MAGI3: variants seen among roughly 807,000 people sequenced by gnomAD.
The protein encoded by MAGI3 is membrane-associated guanylate kinase, WW and PDZ domain-containing protein 3.
In MAGI3, 43 loss-of-function variants were observed where a neutral mutation model predicts 121.8. The ratio of observed to expected loss-of-function variants is 0.35; its 90% CI spans 0.28 to 0.46. The LOEUF is 0.46. Among genes scored for constraint, MAGI3 ranks in the 20% least tolerant of loss-of-function variants. MAGI3 has a pLI of 1.00. For missense variants in MAGI3, 1,547 were observed against 1,797.3 expected (o/e 0.86, Z 2.52); for synonymous variants, 553 against 639.3 (o/e 0.86, Z 2.04).
chr1:113,465,189 GATAGTGGT>G (rs2101526766), intron 1 of MAGI3, among the ~76,000 whole-genome samples: 1 of 152,280 alleles, frequency 6.6e-6, no homozygotes, highest in East Asian at 1.9e-4. Flanking sequence ...TTTGGTGAGA[GATAGTGGT>G]ATAGTTTCAT....
chr1:113,656,842 G>A (rs182099806), intron 15 of MAGI3, among the ~76,000 whole-genome samples: 7 of 152,282 alleles, frequency 4.6e-5, no homozygotes, highest in Non-Finnish European at 8.8e-5. Context: ...CTTTTTCAAA[G>A]ATCAGGGATC....
chr1:113,659,414 T>C (rs1384837073), intron 16 of MAGI3, 149 bp downstream of exon 16: 1 of 693,108 alleles, frequency 1.4e-6, no homozygotes. Flanking sequence ...CTTTTCAATT[T>C]AATGAACTTA....
At chr1:113,423,685 A>G (rs770644724) in intron 1 of MAGI3, among the ~76,000 whole-genome samples, 2 of 152,110 alleles carry the variant, frequency 1.3e-5, no homozygotes. Context: ...GGCATCAAGG[A>G]AGTTCTCACT....
intron 16 of MAGI3, among the ~76,000 whole-genome samples, chr1:113,666,965 T>C (rs535247109): frequency 6.6e-6 from 1 of 152,352 alleles, no homozygotes; most frequent in Non-Finnish European, 1.5e-5. Context: ...GGAATCTTTT[T>C]TTCTGAGCAG....
chr1:113,534,674 A>G (rs185156854), intron 1 of MAGI3, among the ~76,000 whole-genome samples: 11 of 152,342 alleles, frequency 7.2e-5, no homozygotes, highest in African/African-American at 2.6e-4. Flanking sequence ...CACCAAAGAC[A>G]GGTATTACTT....
chr1:113,638,281 G>A (rs568182658), intron 9 of MAGI3, among the ~76,000 whole-genome samples: 23 of 152,338 alleles, frequency 1.5e-4, no homozygotes, highest in East Asian at 3.9e-4. Flanking sequence ...GAGGAACTGC[G>A]TTCCTTTGGA....
chr1:113,603,957 A>G (rs953725769), intron 6 of MAGI3, among the ~76,000 whole-genome samples: 1 of 152,186 alleles, frequency 6.6e-6, no homozygotes, highest in African/African-American at 2.4e-5. Flanking sequence ...ACCTTATTCC[A>G]GCCAGAGTAA....
At chr1:113,396,287 T>TGTGTGTG (rs1651113629) in intron 1 of MAGI3, among the ~76,000 whole-genome samples, 1 of 146,878 alleles carries the variant, frequency 6.8e-6, no homozygotes, top group Admixed American at 6.8e-5. Flanking sequence ...AATGTCAGGG[T>TGTGTGTG]TGTGTGTGTG....
At chr1:113,623,541 G>A (rs185094971) in intron 9 of MAGI3, among the ~76,000 whole-genome samples, 151 of 150,014 alleles carry the variant, frequency 1.0e-3, no homozygotes, top group Middle Eastern at 3.6e-3. Context: ...AGGCTGGAGT[G>A]CAGTGGCGCG....
chr1:113,610,709 G>A (rs555915033), intron 6 of MAGI3, among the ~76,000 whole-genome samples: 6 of 152,042 alleles, frequency 3.9e-5, no homozygotes, highest in South Asian at 2.1e-4. Context: ...CCTGCCATTC[G>A]GGTGGATCAC....
chr1:113,639,280 A>G (rs1265970145), intron 9 of MAGI3, among the ~76,000 whole-genome samples: 1 of 152,188 alleles, frequency 6.6e-6, no homozygotes, highest in Non-Finnish European at 1.5e-5. Flanking sequence ...AGTGAGATGA[A>G]CCCGGTACCT....
At chr1:113,505,014 G>C (rs1004696934) in intron 1 of MAGI3, among the ~76,000 whole-genome samples, 3 of 152,118 alleles carry the variant, frequency 2.0e-5, no homozygotes, top group African/African-American at 7.2e-5. Context: ...ATGAGTGTGT[G>C]AACCTACACA....
chr1:113,641,831 G>A (rs1245396153), intron 9 of MAGI3, 80 bp from the exon 10 acceptor site: 1 of 1,325,234 alleles, frequency 7.5e-7, no homozygotes, highest in Non-Finnish European at 1.0e-6. Flanking sequence ...TTGCTAAATT[G>A]TAGTTATTTT....
intron 11 of MAGI3, among the ~76,000 whole-genome samples, chr1:113,645,652 G>C (rs1004028780): frequency 6.6e-6 from 1 of 152,098 alleles, no homozygotes; most frequent in Non-Finnish European, 1.5e-5. Flanking sequence ...CCTCTAGCAC[G>C]ACACTTTGTA....
At chr1:113,635,483 C>T (rs373857914) in intron 9 of MAGI3, among the ~76,000 whole-genome samples, 34 of 152,028 alleles carry the variant, frequency 2.2e-4, no homozygotes, top group Non-Finnish European at 3.8e-4. Context: ...ATTGAGATAA[C>T]CATGTGGTTT....
At chr1:113,395,365 T>G (rs1651055947) in intron 1 of MAGI3, among the ~76,000 whole-genome samples, 1 of 151,814 alleles carries the variant, frequency 6.6e-6, no homozygotes, top group Admixed American at 6.6e-5. Context: ...AGTTGAAAAT[T>G]TCCTATTTCA....
At chr1:113,647,873 A>G (rs924327902) in intron 12 of MAGI3, among the ~76,000 whole-genome samples, 2 of 152,044 alleles carry the variant, frequency 1.3e-5, no homozygotes, top group Admixed American at 1.3e-4. Context: ...TAAACTCTGC[A>G]GTCCCATCAG....
chr1:113,570,151 C>A (rs1205383680), intron 2 of MAGI3, among the ~76,000 whole-genome samples: 2 of 152,088 alleles, frequency 1.3e-5, no homozygotes, highest in Admixed American at 6.6e-5. Flanking sequence ...GTTTGGTTTT[C>A]TGTTCCTGTG....
At chr1:113,472,509 T>C (rs540528761) in intron 1 of MAGI3, among the ~76,000 whole-genome samples, 305 of 152,210 alleles carry the variant, frequency 2.0e-3, no homozygotes, top group Non-Finnish European at 3.7e-3. Flanking sequence ...GATAGGTAAG[T>C]ACTTACCATT....
Sources: gnomAD v4.1 joint callset for allele counts (sites outside exome capture counted in the v4.1 genomes callset) on GRCh38, gnomAD v4.1.1 for gene constraint, MANE v1.5 for transcripts, NCBI Gene and HGNC (gene_info 2026-07-23, HGNC 2026-07-21) for gene names.